MYO1D: variants seen among roughly 807,000 people sequenced by gnomAD.
MYO1D encodes the protein unconventional myosin-Id.
MYO1D carries 83 observed loss-of-function variants against 122.0 expected under a neutral mutation model. The ratio of observed to expected loss-of-function variants is 0.68; its 90% CI spans 0.57 to 0.82. MYO1D has a LOEUF of 0.82. Ranked by LOEUF, MYO1D falls within the 40% of genes least tolerant of loss-of-function variation. MYO1D has a pLI of 0.00. For synonymous variants in MYO1D, 464 were observed against 446.9 expected (o/e 1.04, Z -0.48); for missense variants, 1,157 against 1,269.5 (o/e 0.91, Z 1.35).
chr17:32,638,762 G>C lies in MYO1D; in HGVS notation c.2669C>G (p.Thr890Ser), dbSNP rs776145563. 1.9e-6 allele frequency: 3 copies of C among 1,613,826 alleles called. No homozygotes were observed. In the Admixed American group the frequency reaches 5.0e-5, roughly 27 times the overall value. Reference protein sequence around the residue: ...TDRHLYKMDPTKQYKVMKTIP... With the variant: ...TDRHLYKMDPSKQYKVMKTIP... ...AGTCTTCATCACCTTGTACTGTTTA[G>C]TGGGATCCATTTTATACAGGTGACG... Residue 890 changes from threonine to serine, a missense_variant, in exon 20 of 22, where the codon ACT (threonine) becomes AGT (serine). By Grantham distance (58) the Thr-to-Ser change is moderately conservative. Coordinates refer to ENST00000318217, the MANE Select transcript of MYO1D (RefSeq NM_015194.3).
chr17:32,824,066 CAA>C (rs58786179), intron 1 of MYO1D, among the ~76,000 whole-genome samples: 10 of 92,528 alleles, frequency 1.1e-4, no homozygotes, highest in East Asian at 2.8e-4. Flanking sequence ...GACTCCGTCT[CAA>C]AAAAAAAAAA....
intron 20 of MYO1D, among the ~76,000 whole-genome samples, chr17:32,623,766 G>C (rs2087884300): frequency 1.3e-5 from 2 of 152,172 alleles, no homozygotes; most frequent in African/African-American, 4.8e-5. Context: ...CTGGAAGCTA[G>C]AAGTCCGAGA....
At chr17:32,868,268 C>T (rs2091147500) in intron 1 of MYO1D, among the ~76,000 whole-genome samples, 1 of 152,138 alleles carries the variant, frequency 6.6e-6, no homozygotes, top group Admixed American at 6.5e-5. Flanking sequence ...AGGTATTTGA[C>T]ACATATTTTA....
intron 19 of MYO1D, among the ~76,000 whole-genome samples, chr17:32,649,962 T>C (rs1308184119): frequency 6.6e-6 from 1 of 152,210 alleles, no homozygotes; most frequent in Non-Finnish European, 1.5e-5. Flanking sequence ...GCCATAAACA[T>C]TGGTATATAG....
intron 1 of MYO1D, among the ~76,000 whole-genome samples, chr17:32,871,054 C>G (rs146264329): frequency 1.2e-4 from 19 of 152,238 alleles, no homozygotes; most frequent in African/African-American, 4.3e-4. Context: ...TTTCTCACAT[C>G]TGGTCTTGAA....
intron 1 of MYO1D, among the ~76,000 whole-genome samples, chr17:32,865,172 GT>G (rs892270163): frequency 2.0e-5 from 3 of 152,144 alleles, no homozygotes; most frequent in Admixed American, 6.5e-5. Flanking sequence ...ATGTTGTTGG[GT>G]TTTTTTCATG....
At chr17:32,816,090 G>A (rs1035391895) in intron 1 of MYO1D, among the ~76,000 whole-genome samples, 4 of 152,116 alleles carry the variant, frequency 2.6e-5, no homozygotes, top group Non-Finnish European at 4.4e-5. Context: ...TCATCTATCA[G>A]TCAATAAATA....
Position 32,736,677 on chromosome 17 carries a change from T to G in MYO1D, c.1746+1576A>C, listed in dbSNP as rs146954616. ...GTTCTGGAATTTTTATTTCTTTACA[T>G]GGCACATTAACTACCAAGTTTAGAA... On this transcript the variant is annotated intron_variant, in intron 14 of 21. Coordinates refer to ENST00000318217, the MANE Select transcript of MYO1D (RefSeq NM_015194.3). 4.8e-4 allele frequency among the ~76,000 whole-genome samples: 73 copies of G among 152,376 alleles called. 1 individual carries two copies. In the East Asian group the frequency reaches 0.011, roughly 23 times the overall value.
chr17:32,865,985 G>A (rs2091120525), intron 1 of MYO1D, among the ~76,000 whole-genome samples: 1 of 152,180 alleles, frequency 6.6e-6, no homozygotes, highest in African/African-American at 2.4e-5. Context: ...CATGATTAGA[G>A]TCATAGTCTG....
At chr17:32,545,212 A>T (rs1233101579) in intron 21 of MYO1D, among the ~76,000 whole-genome samples, 5 of 152,176 alleles carry the variant, frequency 3.3e-5, no homozygotes, top group African/African-American at 1.2e-4. Context: ...CTAACTCTGC[A>T]CTTCCCAGCT....
At chr17:32,873,543 T>C (rs75040844) in intron 1 of MYO1D, among the ~76,000 whole-genome samples, 8,904 of 152,184 alleles carry the variant, frequency 0.059, 358 homozygotes, top group Non-Finnish European at 0.079. Flanking sequence ...ACAAAAACAC[T>C]TCAACATCAC....
chr17:32,819,249 G>T (rs1020959074), intron 1 of MYO1D, among the ~76,000 whole-genome samples: 5 of 151,942 alleles, frequency 3.3e-5, no homozygotes, highest in African/African-American at 1.2e-4. Flanking sequence ...TTGCAAGAAG[G>T]GAGGCTATGC....
chr17:32,725,683 G>A (rs2089563317), intron 14 of MYO1D, among the ~76,000 whole-genome samples: 1 of 152,060 alleles, frequency 6.6e-6, no homozygotes, highest in Non-Finnish European at 1.5e-5. Context: ...TTCTAAAGGA[G>A]AGGAGACAGA....
intron 1 of MYO1D, chr17:32,862,968 T>G (rs1022041423): frequency 6.6e-6 from 1 of 152,192 alleles, no homozygotes; most frequent in Non-Finnish European, 1.5e-5. Context: ...AATCTGCGTA[T>G]TTTAAAAGCT....
At chr17:32,522,590 G>C (rs1910183505) in intron 21 of MYO1D, among the ~76,000 whole-genome samples, 1 of 152,178 alleles carries the variant, frequency 6.6e-6, no homozygotes, top group Non-Finnish European at 1.5e-5. Context: ...ATGCTAAGGT[G>C]GGGAGGGACT....
intron 1 of MYO1D, among the ~76,000 whole-genome samples, chr17:32,872,690 ATT>A (rs780676467): frequency 8.1e-5 from 11 of 136,294 alleles, no homozygotes; most frequent in Admixed American, 1.5e-4. Context: ...ATCTAGGTCA[ATT>A]TTTTTTTTTT....
At chr17:32,808,847 G>A (rs1272616235) in intron 1 of MYO1D, among the ~76,000 whole-genome samples, 1 of 152,204 alleles carries the variant, frequency 6.6e-6, no homozygotes, top group Non-Finnish European at 1.5e-5. Flanking sequence ...AGAACTGTCA[G>A]AAATAAATTT....
intron 21 of MYO1D, among the ~76,000 whole-genome samples, chr17:32,541,311 C>G (rs1285535143): frequency 6.6e-6 from 1 of 152,042 alleles, no homozygotes; most frequent in East Asian, 1.9e-4. Context: ...AATGTTACGC[C>G]AAGAGGAAGA....
intron 16 of MYO1D, among the ~76,000 whole-genome samples, chr17:32,685,882 A>C (rs1292961558): frequency 6.6e-6 from 1 of 152,254 alleles, no homozygotes; most frequent in Non-Finnish European, 1.5e-5. Context: ...GGGTTATCCC[A>C]TTGATATGAC....
Sources: gnomAD v4.1 joint callset for allele counts (sites outside exome capture counted in the v4.1 genomes callset) on GRCh38, gnomAD v4.1.1 for gene constraint, MANE v1.5 for transcripts, NCBI Gene and HGNC (gene_info 2026-07-23, HGNC 2026-07-21) for gene names.